Variants in FAM219A observed in about 807,000 individuals in gnomAD.
FAM219A encodes the protein protein FAM219A.
In FAM219A, 7 loss-of-function variants were observed where a neutral mutation model predicts 23.4. That is an observed-to-expected ratio of 0.30 (90% CI 0.17 to 0.56). The LOEUF (loss-of-function observed/expected upper bound fraction) is 0.56, where lower values mean the gene tolerates loss of function less well. Among genes scored for constraint, FAM219A ranks in the 20% least tolerant of loss-of-function variants. The pLI is 0.92. For synonymous variants in FAM219A, 93 were observed against 99.0 expected, an observed-to-expected ratio of 0.94 and a Z score of 0.36; for missense variants, 166 against 246.9, an observed-to-expected ratio of 0.67 and a Z score of 2.20.
At chr9:34,411,407 G>A (rs1232355605) in intron 1 of FAM219A, among the ~76,000 whole-genome samples, 3 of 151,424 alleles carry the variant, frequency 2.0e-5, no homozygotes, top group South Asian at 2.1e-4. Context: ...AAAAAAAAAA[G>A]GGCTGGGCAC....
In FAM219A at chr9:34,442,794, G is replaced by A. The variant is rs1350434487; in HGVS notation, c.60+15410C>T. ...TGTTAAGGAATTAAAGGATTTTTAG[G>A]GGTGATAATGGTATTTATGTTAAAG... On this transcript the variant is annotated intron_variant, in intron 1 of 5. Transcript: ENST00000651358. 4.6e-5 allele frequency among the ~76,000 whole-genome samples: 7 copies of A among 152,026 alleles called. No individual in the cohort carries two copies. The East Asian group carries it at 1.3e-3, about 29-fold the overall frequency.
rs372298576 is a variant in FAM219A, at chr9:34,401,072, T to C, written c.450A>G (p.Leu150=). The part of the protein sequence containing the change: ...NIQLLKDGYR[L]DEIPDDEDLD... ...GGTCCTCGTCGTCGGGGATCTCATC[T>C]AACCGGTAGCCGTCCTTCAGCAGCT... Residue 150 remains leucine, a synonymous_variant, in exon 6 of 6, where the codon TTA becomes TTG. Transcript: ENST00000651358. 3 of 1,613,002 alleles carry C rather than the reference T, an allele frequency of 1.9e-6. No individual in the cohort carries two copies. The African/African-American group carries it at 4.0e-5, about 22-fold the overall frequency.
chr9:34,416,633 G>A (rs1822042334), intron 1 of FAM219A, among the ~76,000 whole-genome samples: 1 of 151,658 alleles, frequency 6.6e-6, no homozygotes, highest in Admixed American at 6.6e-5. Context: ...GGTGTGGTGG[G>A]GTGCTGAGGC....
At chr9:34,428,339 C>T (rs1486871572) in intron 1 of FAM219A, among the ~76,000 whole-genome samples, 1 of 152,210 alleles carries the variant, frequency 6.6e-6, no homozygotes, top group African/African-American at 2.4e-5. Context: ...AGAGTAGGGC[C>T]TATGAACAGT....
At chr9:34,406,020 G>A in intron 1 of FAM219A, 56 bp from the exon 2 acceptor site, 3 of 1,510,738 alleles carry the variant, frequency 2.0e-6, no homozygotes, top group Non-Finnish European at 2.7e-6. Flanking sequence ...ACAGGGGGCT[G>A]CTCTCAGTCC....
At chr9:34,426,722 A>G (rs113960272) in intron 1 of FAM219A, among the ~76,000 whole-genome samples, 4 of 152,344 alleles carry the variant, frequency 2.6e-5, no homozygotes, top group African/African-American at 9.6e-5. Context: ...GGCTTCTGTC[A>G]TGTATTAATA....
chr9:34,452,803 G>A (rs1823601852), intron 1 of FAM219A, among the ~76,000 whole-genome samples: 1 of 152,020 alleles, frequency 6.6e-6, no homozygotes, highest in South Asian at 2.1e-4. Context: ...CCAGTTCCTA[G>A]GGCCTCTATG....
intron 1 of FAM219A, among the ~76,000 whole-genome samples, chr9:34,416,246 AGAAAGAAAGAAAG>A (rs1822013271): frequency 2.7e-5 from 3 of 111,602 alleles, no homozygotes; most frequent in African/African-American, 1.0e-4. Flanking sequence ...AAAGAAAGAA[AGAAAGAAAGAAAG>A]GGGGAGGGAG....
chr9:34,428,273 A>G (rs190095126), intron 1 of FAM219A, among the ~76,000 whole-genome samples: 1 of 152,232 alleles, frequency 6.6e-6, no homozygotes, highest in East Asian at 1.9e-4. Flanking sequence ...GGGCAAACAG[A>G]TGGTAAAGGA....
At chr9:34,425,488 TAAATA>T in intron 1 of FAM219A, among the ~76,000 whole-genome samples, 1 of 152,296 alleles carries the variant, frequency 6.6e-6, no homozygotes, top group East Asian at 1.9e-4. Flanking sequence ...CTTAAATAAA[TAAATA>T]AAATAAACAA....
In FAM219A at chr9:34,401,097, T is replaced by C; in HGVS notation, c.425A>G (p.Gln142Arg). Residue 142 changes from glutamine (Q) to arginine (R), a missense_variant, in exon 6 of 6, where the codon CAG becomes CGG. Transcript: ENST00000651358. ...AEQINQDLNI[Q>R]LLKDGYRLDE... ...TAACCGGTAGCCGTCCTTCAGCAGC[T>C]GGATGTTCAAATCTTGGTTGATCTG... 2.5e-6 allele frequency: 4 copies of C among 1,613,392 alleles called. No individual in the cohort carries two copies. Among genetic ancestry groups the C allele is most frequent in the Non-Finnish European group, 3.4e-6 (4 of 1,179,616 alleles).
chr9:34,457,411 C>G lies in FAM219A; in HGVS notation c.60+793G>C, dbSNP rs995127868. ...CAGCGATGACATCATTCCTCCCTGA[C>G]TCCGGGACCGCGGACAGGCGGCAGG... On this transcript the variant is annotated intron_variant, in intron 1 of 5. Coordinates refer to ENST00000651358, the MANE Select transcript of FAM219A (RefSeq NM_001184940.2). This position sits in a 1 kb window ranked among gnomAD's most constrained non-coding sequence, Gnocchi z 5.1. 2 of 153,068 alleles carry G rather than the reference C, an allele frequency of 1.3e-5. No homozygotes were observed. Among genetic ancestry groups the G allele is most frequent in the Admixed American group, 6.5e-5 (1 of 15,290 alleles). The allele number at this position is 153,068 out of a possible 1,614,324, so 9.5% of individuals were successfully genotyped here. A position where few individuals can be genotyped will look rare whatever the true frequency, so the allele number is the denominator to read the frequency against.
intron 1 of FAM219A, among the ~76,000 whole-genome samples, chr9:34,410,130 G>A (rs1295319867): frequency 6.6e-6 from 1 of 152,196 alleles, no homozygotes; most frequent in African/African-American, 2.4e-5. Flanking sequence ...TTTGGGCTTG[G>A]AGCTAAAGAC....
intron 1 of FAM219A, among the ~76,000 whole-genome samples, chr9:34,446,627 T>C (rs755313712): frequency 2.6e-5 from 4 of 152,234 alleles, no homozygotes; most frequent in Non-Finnish European, 5.9e-5. Flanking sequence ...CCACCATGGC[T>C]CTGGTTCTCC....
chr9:34,433,801 G>A, intron 1 of FAM219A, among the ~76,000 whole-genome samples: 1 of 152,050 alleles, frequency 6.6e-6, no homozygotes, highest in Admixed American at 6.6e-5. Context: ...ACTTATAAAG[G>A]TAATGCATAT....
chr9:34,419,056 T>C (rs766901317), intron 1 of FAM219A, among the ~76,000 whole-genome samples: 2 of 151,786 alleles, frequency 1.3e-5, no homozygotes, highest in Non-Finnish European at 2.9e-5. Flanking sequence ...ACTTGGGTGA[T>C]AGAGCAAGAC....
At chr9:34,444,846 T>A (rs1164562094) in intron 1 of FAM219A, among the ~76,000 whole-genome samples, 1 of 152,214 alleles carries the variant, frequency 6.6e-6, no homozygotes, top group Non-Finnish European at 1.5e-5. Context: ...CTGCATTTCT[T>A]GCCTTTTCTA....
intron 1 of FAM219A, among the ~76,000 whole-genome samples, chr9:34,423,950 G>A (rs983232230): frequency 6.6e-6 from 1 of 152,106 alleles, no homozygotes; most frequent in East Asian, 1.9e-4. Flanking sequence ...TAAGAGTAAG[G>A]CTTGTGGTTT....
intron 1 of FAM219A, among the ~76,000 whole-genome samples, chr9:34,442,944 T>A (rs1823233579): frequency 6.6e-6 from 1 of 152,140 alleles, no homozygotes; most frequent in African/African-American, 2.4e-5. Context: ...AATTATTAAA[T>A]TTAATTCAAA....
Sources: gnomAD v4.1 joint callset for allele counts (sites outside exome capture counted in the v4.1 genomes callset) on GRCh38, gnomAD v4.1.1 for gene constraint, Gnocchi (gnomAD v3.1) non-coding constraint, MANE v1.5 for transcripts, NCBI Gene and HGNC (gene_info 2026-07-23, HGNC 2026-07-21) for gene names.